Variants in CSDE1 observed in about 807,000 individuals in gnomAD.
CSDE1 encodes cold shock domain containing E1.
Under a neutral mutation model 89.3 loss-of-function variants are expected in CSDE1, and 17 were observed. The observed-to-expected ratio is 0.19, with a 90% confidence interval of 0.13 to 0.29. The LOEUF is 0.29. CSDE1 is among the 10% of genes least tolerant of loss of function. The pLI, the probability that CSDE1 is intolerant of heterozygous loss-of-function variation, is 1.00. For missense variants in CSDE1, 672 were observed against 984.2 expected (o/e 0.68, Z 4.24); for synonymous variants, 322 against 332.8 (o/e 0.97, Z 0.35).
intron 6 of CSDE1, among the ~76,000 whole-genome samples, chr1:114,735,313 AC>A (rs1660341449): frequency 6.6e-6 from 1 of 152,170 alleles, no homozygotes; most frequent in Non-Finnish European, 1.5e-5. Flanking sequence ...TTTTTCACAG[AC>A]AAATAACCCA....
At chr1:114,725,187 A>G (rs1356482583) in intron 15 of CSDE1, 34 bp downstream of exon 15, 4 of 1,548,490 alleles carry the variant, frequency 2.6e-6, no homozygotes, top group Middle Eastern at 1.7e-4. Context: ...CCCACTTAAA[A>G]GCACAGGCTG....
chr1:114,757,120 G>C (rs1258549597), intron 1 of CSDE1, among the ~76,000 whole-genome samples: 1 of 152,190 alleles, frequency 6.6e-6, no homozygotes. Flanking sequence ...CCAAGATAGA[G>C]GGGTGGGAGC....
chr1:114,732,083 G>C (rs1469246420), intron 10 of CSDE1, among the ~76,000 whole-genome samples: 1 of 151,856 alleles, frequency 6.6e-6, no homozygotes, highest in African/African-American at 2.4e-5. Context: ...CAAAGTGCTG[G>C]GATTACAGGT....
intron 16 of CSDE1, among the ~76,000 whole-genome samples, chr1:114,722,954 T>C (rs1659606327): frequency 6.6e-6 from 1 of 152,272 alleles, no homozygotes; most frequent in Non-Finnish European, 1.5e-5. Context: ...CGCTGACTCT[T>C]AGATGATGCA....
chr1:114,740,831 T>C (rs1016436994), intron 2 of CSDE1, among the ~76,000 whole-genome samples: 7 of 152,360 alleles, frequency 4.6e-5, no homozygotes, highest in African/African-American at 1.7e-4. Context: ...TCTAAATCAT[T>C]ACAATTATGT....
intron 1 of CSDE1, among the ~76,000 whole-genome samples, chr1:114,753,110 C>A (rs1262851122): frequency 2.6e-5 from 4 of 152,152 alleles, no homozygotes; most frequent in Admixed American, 2.6e-4. Flanking sequence ...AAAATACAGA[C>A]TGTGTATATT....
rs1242642350 is a variant in CSDE1 at position 114,717,574 on chromosome 1, TTG to T, written c.*593_*594del. 2.6e-5 allele frequency: 4 copies of T among 152,702 alleles called. No homozygotes were observed. In the East Asian group the frequency reaches 7.7e-4, roughly 29 times the overall value. The allele number at this position is 152,702 out of a possible 1,614,324, so 9.5% of individuals were successfully genotyped here. On this transcript the variant is annotated 3_prime_UTR_variant, in exon 20 of 20. Transcript: ENST00000358528. ...ATATAACCAAACTTCTTTAAGTGGA[TTG>T]TGACAAGATTATAAATGATATGAAA...
chr1:114,726,817 A>G (rs1237562221), intron 13 of CSDE1, among the ~76,000 whole-genome samples, 166 bp downstream of exon 13: 2 of 152,220 alleles, frequency 1.3e-5, no homozygotes, highest in African/African-American at 2.4e-5. Flanking sequence ...AGAGCTTGAC[A>G]GACACTTTTA....
intron 5 of CSDE1, 70 bp downstream of exon 5, chr1:114,737,394 CTATTTTG>C (rs1185804087): frequency 8.4e-6 from 10 of 1,192,950 alleles, no homozygotes; most frequent in Non-Finnish European, 1.2e-5. Context: ...CTTACGTTTT[CTATTTTG>C]AATTTTAAAG....
chr1:114,732,262 TTAAA>T (rs1212525523), intron 10 of CSDE1, among the ~76,000 whole-genome samples: 6 of 152,216 alleles, frequency 3.9e-5, no homozygotes, highest in African/African-American at 1.4e-4. Flanking sequence ...AAACCACTAA[TTAAA>T]TGTCTTAGGA....
chr1:114,724,017 C>T lies in CSDE1; in HGVS notation c.1754-15G>A. 1.2e-6 allele frequency: 2 copies of T among 1,605,466 alleles called. No individual in the cohort carries two copies. Among genetic ancestry groups the T allele is most frequent in the South Asian group, 1.1e-5 (1 of 89,810 alleles). ...AATGCCATTCACTACAAAACAAAGG[C>T]AGGTACATCTTTCAATTTTATTTCA... On this transcript the variant is annotated splice_polypyrimidine_tract_variant and intron_variant, in intron 15 of 19. Transcript: ENST00000358528.
At chr1:114,740,345 T>C (rs1660653464) in intron 2 of CSDE1, among the ~76,000 whole-genome samples, 1 of 152,176 alleles carries the variant, frequency 6.6e-6, no homozygotes, top group Admixed American at 6.5e-5. Context: ...AGTCATGCAT[T>C]TGGAAGGCAT....
chr1:114,743,234 C>G (rs562278727), intron 2 of CSDE1, among the ~76,000 whole-genome samples: 1 of 152,308 alleles, frequency 6.6e-6, no homozygotes, highest in Admixed American at 6.5e-5. Context: ...CGCTGTCACC[C>G]AGCCTGGAGT....
intron 17 of CSDE1, 181 bp downstream of exon 17, chr1:114,720,358 T>C (rs1370985567): frequency 3.9e-5 from 22 of 568,796 alleles, no homozygotes; most frequent in East Asian, 8.8e-5. Flanking sequence ...ATTGCTAATA[T>C]AGTCACTTTT....
Position 114,717,781 on chromosome 1 carries a change from TA to T in CSDE1, c.*387del, listed in dbSNP as rs1659268985. 1 of 184,804 alleles carries T rather than the reference TA, an allele frequency of 5.4e-6. No individual in the cohort carries two copies. Among genetic ancestry groups the T allele is most frequent in the Admixed American group, 5.9e-5 (1 of 16,918 alleles). 11.4% of individuals were successfully genotyped at this position (184,804 alleles called of 1,614,324 possible). ...CTAAGGCAGAACATCTTGCCAGAAG[TA>T]ATTAATGAAGGTAGAGTATATAATG... On this transcript the variant is annotated 3_prime_UTR_variant, in exon 20 of 20. Coordinates refer to ENST00000358528, the MANE Select transcript of CSDE1 (RefSeq NM_001007553.3).
chr1:114,757,718 A>C (rs913909610), intron 1 of CSDE1, among the ~76,000 whole-genome samples: 4 of 152,066 alleles, frequency 2.6e-5, no homozygotes, highest in African/African-American at 2.4e-5. Flanking sequence ...TCCTCGTTTC[A>C]GCTCTGCGAC....
intron 2 of CSDE1, chr1:114,748,543 C>T (rs1027286465): frequency 1.4e-4 from 22 of 152,140 alleles, no homozygotes; most frequent in African/African-American, 5.1e-4. Flanking sequence ...AATAGATTTC[C>T]ATAACATATT....
chr1:114,743,418 C>T (rs1282623996), intron 2 of CSDE1, among the ~76,000 whole-genome samples: 10 of 152,166 alleles, frequency 6.6e-5, no homozygotes, highest in Admixed American at 5.2e-4. Flanking sequence ...TCTCGGAACT[C>T]CTGACCTCAA....
At chr1:114,719,544 G>T (rs756742133) in intron 18 of CSDE1, 35 bp downstream of exon 18, 12 of 1,602,632 alleles carry the variant, frequency 7.5e-6, no homozygotes, top group Non-Finnish European at 1.0e-5. Context: ...ACACTCCAGG[G>T]TAGTTACTAA....
Sources: gnomAD v4.1 joint callset for allele counts (sites outside exome capture counted in the v4.1 genomes callset) on GRCh38, gnomAD v4.1.1 for gene constraint, MANE v1.5 for transcripts, NCBI Gene and HGNC (gene_info 2026-07-23, HGNC 2026-07-21) for gene names.